The following ACYP2 variants were observed in gnomAD, a reference collection of about 807,000 sequenced individuals.
The protein encoded by ACYP2 is acylphosphatase 2.
Under a neutral mutation model 11.2 loss-of-function variants are expected in ACYP2, and 12 were observed. That is an observed-to-expected ratio of 1.08 (90% confidence interval 0.69 to 1.74). The LOEUF (loss-of-function observed/expected upper bound fraction) is 1.74. Ranked by LOEUF, ACYP2 falls within the 40% of genes most tolerant of loss-of-function variation. ACYP2 has a pLI of 0.00. For missense variants in ACYP2, 134 were observed against 101.9 expected (o/e 1.31, Z -1.35); for synonymous variants, 43 against 32.2 (o/e 1.33, Z -1.13).
chr2:54,197,974 ATTGTATTGTATTGTATTGTATTGTATTG>A (rs1684579797), intron 6 of ACYP2, among the ~76,000 whole-genome samples: 1 of 125,424 alleles, frequency 8.0e-6, no homozygotes, highest in African/African-American at 3.5e-5. Context: ...ATTGTATTGT[ATTGTATTGTATTGTATTGTATTGTATTG>A]TATTGTATTG....
chr2:54,044,223 C>T (rs1351607327), intron 2 of ACYP2, among the ~76,000 whole-genome samples: 2 of 152,188 alleles, frequency 1.3e-5, no homozygotes, highest in Non-Finnish European at 2.9e-5. Flanking sequence ...TGTGTTGACA[C>T]AAGAATATGT....
chr2:54,073,615 A>G (rs1286290530), intron 4 of ACYP2, among the ~76,000 whole-genome samples: 1 of 152,240 alleles, frequency 6.6e-6, no homozygotes, highest in Non-Finnish European at 1.5e-5. Flanking sequence ...AGAAGGGGAG[A>G]AAATTTTTGC....
intron 4 of ACYP2, among the ~76,000 whole-genome samples, chr2:54,122,754 G>A (rs58125959): frequency 0.059 from 8,933 of 152,244 alleles, 478 homozygotes; most frequent in East Asian, 0.3. Context: ...TTCCTGCATG[G>A]TTCAGTGCCT....
intron 4 of ACYP2, among the ~76,000 whole-genome samples, chr2:54,134,031 C>T (rs1681079227): frequency 6.6e-6 from 1 of 152,136 alleles, no homozygotes; most frequent in South Asian, 2.1e-4. Context: ...ATAACCAAGA[C>T]CAATGATACT....
intron 4 of ACYP2, among the ~76,000 whole-genome samples, chr2:54,106,771 G>C (rs1197802236): frequency 6.6e-6 from 1 of 152,032 alleles, no homozygotes; most frequent in Non-Finnish European, 1.5e-5. Context: ...TTTTAGTAGA[G>C]ACGGGGTTTC....
chr2:54,083,079 A>C (rs1229281277), intron 4 of ACYP2, among the ~76,000 whole-genome samples: 1 of 139,464 alleles, frequency 7.2e-6, no homozygotes, highest in Admixed American at 7.2e-5. Flanking sequence ...GTCTCAAAAA[A>C]AAAAAGAAAA....
intron 4 of ACYP2, among the ~76,000 whole-genome samples, chr2:54,068,444 C>A (rs1234596977): frequency 6.6e-6 from 1 of 152,146 alleles, no homozygotes; most frequent in Non-Finnish European, 1.5e-5. Flanking sequence ...GAAAATCAGT[C>A]TGGCTATGAT....
chr2:54,205,230 G>A (rs574329500), intron 6 of ACYP2, among the ~76,000 whole-genome samples: 6 of 152,262 alleles, frequency 3.9e-5, no homozygotes, highest in African/African-American at 1.4e-4. Flanking sequence ...GGCCATGGTG[G>A]ATATTGCCAG....
intron 6 of ACYP2, among the ~76,000 whole-genome samples, chr2:54,182,762 T>TTTG (rs1683799879): frequency 6.6e-6 from 1 of 152,202 alleles, no homozygotes; most frequent in African/African-American, 2.4e-5. Context: ...TTTAGAACAG[T>TTTG]TTGTTTAACC....
At chr2:54,089,395 G>T (rs1033023274) in intron 4 of ACYP2, among the ~76,000 whole-genome samples, 52 of 148,416 alleles carry the variant, frequency 3.5e-4, no homozygotes, top group Non-Finnish European at 5.5e-4. Flanking sequence ...CAGAAGTTCA[G>T]ATATATATAT....
intron 4 of ACYP2, chr2:54,080,148 T>A (rs1677566351): frequency 5.1e-6 from 1 of 194,558 alleles, no homozygotes; most frequent in Non-Finnish European, 1.1e-5. Context: ...TCAAAGATAT[T>A]CTTTAGAAAT....
At chr2:54,260,406 G>A (rs1687727281) in intron 6 of ACYP2, among the ~76,000 whole-genome samples, 3 of 152,154 alleles carry the variant, frequency 2.0e-5, no homozygotes, top group South Asian at 2.1e-4. Flanking sequence ...AATTGGAAAT[G>A]AGGCCCATCA....
chr2:54,303,460 A>G (rs1334997244), intron 6 of ACYP2, among the ~76,000 whole-genome samples: 1 of 152,234 alleles, frequency 6.6e-6, no homozygotes, highest in Non-Finnish European at 1.5e-5. Context: ...TGGCTAGTAA[A>G]GTTGAAGCTA....
intron 4 of ACYP2, among the ~76,000 whole-genome samples, chr2:54,122,105 AG>A (rs1680191770): frequency 6.6e-6 from 1 of 152,234 alleles, no homozygotes; most frequent in South Asian, 2.1e-4. Flanking sequence ...ACAGTCATTA[AG>A]GGCTGCTTTG....
intron 4 of ACYP2, chr2:54,115,277 ACAC>A (rs1679683225): frequency 2.3e-6 from 1 of 428,258 alleles, no homozygotes; most frequent in African/African-American, 2.1e-5. Context: ...ATCACCTTGT[ACAC>A]CACAAATATA....
chr2:53,979,229 C>T (rs779253478), intron 2 of ACYP2, among the ~76,000 whole-genome samples: 5 of 151,882 alleles, frequency 3.3e-5, no homozygotes, highest in Non-Finnish European at 5.9e-5. Context: ...TGATCCTGAC[C>T]CTGTGTAGGC....
chr2:54,129,865 CA>C (rs1208063949), intron 4 of ACYP2, among the ~76,000 whole-genome samples: 1 of 146,434 alleles, frequency 6.8e-6, no homozygotes, highest in Non-Finnish European at 1.5e-5. Context: ...AATATATAAT[CA>C]ATATGTTAAT....
chr2:54,107,602 A>C (rs776722148), intron 4 of ACYP2, among the ~76,000 whole-genome samples: 1 of 152,240 alleles, frequency 6.6e-6, no homozygotes, highest in Non-Finnish European at 1.5e-5. Context: ...ATTGTTTAAC[A>C]CTGGGCATTA....
At chr2:54,206,861 G>C (rs1249885178) in intron 6 of ACYP2, among the ~76,000 whole-genome samples, 3 of 152,166 alleles carry the variant, frequency 2.0e-5, no homozygotes, top group Admixed American at 2.0e-4. Context: ...GGCTTTTTGA[G>C]TGATTTGAAA....
Sources: allele counts gnomAD v4.1 joint callset (sites outside exome capture counted in the v4.1 genomes callset), GRCh38; gene constraint gnomAD v4.1.1; transcripts MANE v1.5; gene names NCBI Gene and HGNC (gene_info 2026-07-23, HGNC 2026-07-21).